The following LRRTM4 variants were observed in gnomAD, a reference collection of about 807,000 sequenced individuals.
The protein encoded by LRRTM4 is leucine-rich repeat transmembrane neuronal protein 4.
In LRRTM4, 25 loss-of-function variants were observed where a neutral mutation model predicts 47.6. The observed-to-expected ratio is 0.53, with a 90% CI of 0.38 to 0.73. The LOEUF is 0.73. Ranked by LOEUF, LRRTM4 falls within the 30% of genes least tolerant of loss-of-function variation. LRRTM4 has a pLI of 0.00. For missense variants in LRRTM4, 638 were observed against 713.4 expected, an observed-to-expected ratio of 0.89 and a Z score of 1.20; for synonymous variants, 311 against 269.5, an observed-to-expected ratio of 1.15 and a Z score of -1.51.
At chr2:77,385,022 CAAGCTAAAAATGTGCA>C (rs1240803024) in intron 3 of LRRTM4, among the ~76,000 whole-genome samples, 7 of 151,866 alleles carry the variant, frequency 4.6e-5, no homozygotes, top group Non-Finnish European at 7.4e-5. Context: ...AATGCCATGC[CAAGCTAAAAATGTGCA>C]AAAAGAAAAC....
intron 3 of LRRTM4, among the ~76,000 whole-genome samples, chr2:77,141,027 C>A (rs987543694): frequency 6.6e-6 from 1 of 152,098 alleles, no homozygotes; most frequent in Non-Finnish European, 1.5e-5. Flanking sequence ...GTTGGTGGGA[C>A]TGTAAACTAG....
chr2:77,166,233 G>C (rs1242201153), intron 3 of LRRTM4, among the ~76,000 whole-genome samples: 1 of 152,098 alleles, frequency 6.6e-6, no homozygotes, highest in Admixed American at 6.6e-5. Flanking sequence ...TAAAATACCT[G>C]GGAATGCAAC....
At chr2:76,795,761 G>A (rs1675267946) in intron 3 of LRRTM4, among the ~76,000 whole-genome samples, 2 of 152,036 alleles carry the variant, frequency 1.3e-5, no homozygotes, top group African/African-American at 4.8e-5. Context: ...ACATTACCCT[G>A]ACACCAAAGC....
chr2:77,072,166 T>C (rs1171142318), intron 3 of LRRTM4, among the ~76,000 whole-genome samples: 2 of 152,106 alleles, frequency 1.3e-5, no homozygotes, highest in Non-Finnish European at 2.9e-5. Flanking sequence ...AAGTCTATGG[T>C]GTTAATTTAA....
At chr2:77,282,552 A>G (rs1026195732) in intron 3 of LRRTM4, among the ~76,000 whole-genome samples, 2 of 151,836 alleles carry the variant, frequency 1.3e-5, no homozygotes, top group Non-Finnish European at 2.9e-5. Flanking sequence ...CCTAAGCAAA[A>G]AGAACAAAGC....
intron 3 of LRRTM4, among the ~76,000 whole-genome samples, chr2:77,484,268 G>A (rs1430966882): frequency 6.6e-6 from 1 of 152,174 alleles, no homozygotes; most frequent in Non-Finnish European, 1.5e-5. Context: ...GATAACTTGT[G>A]TGGTTTTTAT....
intron 3 of LRRTM4, among the ~76,000 whole-genome samples, chr2:77,502,812 A>C (rs544957419): frequency 6.2e-4 from 94 of 151,754 alleles, no homozygotes; most frequent in Non-Finnish European, 9.0e-4. Context: ...TGACTATACA[A>C]GGATTTCTGC....
intron 3 of LRRTM4, among the ~76,000 whole-genome samples, chr2:77,111,147 T>C (rs1170515996): frequency 6.6e-6 from 1 of 152,110 alleles, no homozygotes; most frequent in Non-Finnish European, 1.5e-5. Context: ...TCTTGCTCTG[T>C]TGCCCAGGCT....
chr2:77,083,783 CTTTTTTTTTTTTTTTTT>C lies in LRRTM4; in HGVS notation c.1552-334884_1552-334868del, dbSNP rs386390525. On this transcript the variant is annotated intron_variant, in intron 3 of 3. Coordinates refer to ENST00000409884, the MANE Select transcript of LRRTM4 (RefSeq NM_001134745.3). Reference sequence around the variant, plus strand: ...ACTTCTCAATTTTTAACTGGACACACTTTTTTTTTTTTTTTTTTTTTTTTTTTTTTTTTTTTTTTCAG... The same window carrying C: ...ACTTCTCAATTTTTAACTGGACACACTTTTTTTTTTTTTTTTTTTTTTCAG... Among the ~76,000 whole-genome samples the C allele has an allele frequency of 1.3e-3, 69 of 52,390 alleles. No homozygotes were observed. In the East Asian group the frequency reaches 0.021, roughly 16 times the overall value. 34.4% of individuals were successfully genotyped at this position (52,390 alleles called of 152,430 possible). A position where few individuals can be genotyped will look rare whatever the true frequency, so the allele number is the denominator to read the frequency against.
chr2:77,260,967 C>T (rs1675904297), intron 3 of LRRTM4, among the ~76,000 whole-genome samples: 1 of 151,164 alleles, frequency 6.6e-6, no homozygotes, highest in South Asian at 2.1e-4. Context: ...ATATATTATA[C>T]TTCTTCCATA....
intron 3 of LRRTM4, among the ~76,000 whole-genome samples, chr2:76,986,738 A>C (rs1676812207): frequency 6.6e-6 from 1 of 151,924 alleles, no homozygotes; most frequent in South Asian, 2.1e-4. Context: ...ATCTCTAATG[A>C]TATTGTTTGT....
rs528641428 is a variant in LRRTM4 at position 77,169,937 on chromosome 2, G to A, written c.1551+348381C>T. On this transcript the variant is annotated intron_variant, in intron 3 of 3. Coordinates refer to ENST00000409884, the MANE Select transcript of LRRTM4 (RefSeq NM_001134745.3). Reference sequence around the variant, plus strand: ...GTGCGTTGTTGCTGCTATCACTCATGGTTACGTATTTGTTATGTCTGTTTG... The same window carrying A: ...GTGCGTTGTTGCTGCTATCACTCATAGTTACGTATTTGTTATGTCTGTTTG... 1.1e-3 allele frequency among the ~76,000 whole-genome samples: 165 copies of A among 152,242 alleles called. 1 individual carries two copies. The highest frequency in any genetic ancestry group is 3.8e-3 in the African/African-American group (157 of 41,544).
chr2:77,136,543 G>C (rs1421107471), intron 3 of LRRTM4, among the ~76,000 whole-genome samples: 3 of 152,168 alleles, frequency 2.0e-5, no homozygotes, highest in African/African-American at 7.2e-5. Flanking sequence ...GATCAGAAAA[G>C]CTGAAAATTC....
chr2:77,189,324 C>T (rs190200191), intron 3 of LRRTM4, among the ~76,000 whole-genome samples: 1 of 152,152 alleles, frequency 6.6e-6, no homozygotes, highest in Non-Finnish European at 1.5e-5. Flanking sequence ...GCATCCTCAG[C>T]AGTTCTTCAT....
chr2:76,969,828 T>C (rs1676158407), intron 3 of LRRTM4, among the ~76,000 whole-genome samples: 1 of 151,928 alleles, frequency 6.6e-6, no homozygotes, highest in Non-Finnish European at 1.5e-5. Flanking sequence ...GGCAATGCTA[T>C]CTCCATTTTC....
chr2:77,240,910 C>T (rs1675241065), intron 3 of LRRTM4, among the ~76,000 whole-genome samples: 1 of 151,726 alleles, frequency 6.6e-6, no homozygotes, highest in Non-Finnish European at 1.5e-5. Context: ...TTATAGAATA[C>T]CTACTTTAAT....
chr2:77,223,268 A>G (rs557030811), intron 3 of LRRTM4, among the ~76,000 whole-genome samples: 14 of 152,292 alleles, frequency 9.2e-5, no homozygotes, highest in African/African-American at 3.4e-4. Context: ...AATGCACAAA[A>G]ACTGGAAGCA....
rs367751572 is a variant in LRRTM4, at chr2:77,445,861, G to A, written c.1551+72457C>T. The stretch of plus-strand genomic sequence containing the variant: ...AATACCACCTATCTGATGGGCTTTC[G>A]TGAGAAATAAATGAAGTAAAACCTG... On this transcript the variant is annotated intron_variant, in intron 3 of 3. Coordinates refer to ENST00000409884, the MANE Select transcript of LRRTM4 (RefSeq NM_001134745.3). Among the ~76,000 whole-genome samples the A allele has an allele frequency of 6.2e-4, 94 of 152,014 alleles. 1 individual carries two copies. Among genetic ancestry groups the A allele is most frequent in the East Asian group, 4.6e-3 (24 of 5,172 alleles).
rs554423179 is a variant in LRRTM4, at chr2:77,144,981, T to A, written c.1551+373337A>T. Among the ~76,000 whole-genome samples, 8 of 152,268 alleles carry A rather than the reference T, an allele frequency of 5.3e-5. No individual in the cohort carries two copies. The South Asian group carries it at 1.0e-3, about 20-fold the overall frequency. Reference sequence around the variant, plus strand: ...ATAAAAACACAGTTGGAGAAATTTTTAAAAATGAAATAATGCAAGTCATGG... The same window carrying A: ...ATAAAAACACAGTTGGAGAAATTTTAAAAAATGAAATAATGCAAGTCATGG... On this transcript the variant is annotated intron_variant, in intron 3 of 3. Coordinates refer to ENST00000409884, the MANE Select transcript of LRRTM4 (RefSeq NM_001134745.3).
Sources: allele counts gnomAD v4.1 joint callset (sites outside exome capture counted in the v4.1 genomes callset), GRCh38; gene constraint gnomAD v4.1.1; transcripts MANE v1.5; gene names NCBI Gene and HGNC (gene_info 2026-07-23, HGNC 2026-07-21).